The following MYO16 variants were observed in gnomAD, a reference collection of about 807,000 sequenced individuals.
MYO16 encodes the protein myosin XVI.
In MYO16, 94 loss-of-function variants were observed where a neutral mutation model predicts 205.3. That is an observed-to-expected ratio of 0.46 (90% CI 0.39 to 0.54). The LOEUF is 0.54. Ranked by LOEUF, MYO16 falls within the 20% of genes least tolerant of loss-of-function variation. The probability of loss-of-function intolerance (pLI) is 0.00; values close to 1 mark genes in which losing one functional copy is unlikely to be tolerated. For synonymous variants in MYO16, 988 were observed against 954.0 expected (o/e 1.04, Z -0.66); for missense variants, 2,315 against 2,387.5 (o/e 0.97, Z 0.63).
At chr13:109,098,619 C>T (rs1284606457) in intron 27 of MYO16, among the ~76,000 whole-genome samples, 3 of 152,086 alleles carry the variant, frequency 2.0e-5, no homozygotes, top group Non-Finnish European at 2.9e-5. Flanking sequence ...TGCATCTCAT[C>T]GATTTGCTGA....
chr13:108,754,359 G>A (rs1419259139), intron 4 of MYO16, among the ~76,000 whole-genome samples: 1 of 152,192 alleles, frequency 6.6e-6, no homozygotes, highest in African/African-American at 2.4e-5. Flanking sequence ...ATTGCTTAGG[G>A]AGAGGAAATG....
intron 22 of MYO16, among the ~76,000 whole-genome samples, chr13:109,014,749 C>T (rs1885743419): frequency 1.3e-5 from 2 of 152,142 alleles, no homozygotes; most frequent in African/African-American, 4.8e-5. Context: ...GGAGTTCACT[C>T]ATGATTTGGC....
At chr13:108,926,281 A>G (rs182327385) in intron 16 of MYO16, among the ~76,000 whole-genome samples, 3 of 152,106 alleles carry the variant, frequency 2.0e-5, no homozygotes, top group Admixed American at 2.0e-4. Context: ...CGCAGTCTTC[A>G]CTCTTTCTAT....
chr13:108,591,171 G>A (rs1014651738), upstream of MYO16, among the ~76,000 whole-genome samples: 6 of 152,000 alleles, frequency 3.9e-5, no homozygotes, highest in African/African-American at 7.2e-5. Context: ...ACCTGCATTC[G>A]AAAAAGATCA....
At chr13:108,769,329 CG>C (rs1011890621) in intron 4 of MYO16, among the ~76,000 whole-genome samples, 3 of 151,976 alleles carry the variant, frequency 2.0e-5, no homozygotes, top group African/African-American at 7.2e-5. Flanking sequence ...GTGGGAGCCA[CG>C]TGTGTGAGGG....
At chr13:108,761,372 A>G (rs1022051296) in intron 4 of MYO16, among the ~76,000 whole-genome samples, 14 of 152,064 alleles carry the variant, frequency 9.2e-5, no homozygotes, top group Non-Finnish European at 1.9e-4. Flanking sequence ...AAAGAAAAAG[A>G]AAAAAAAGCT....
intron 9 of MYO16, among the ~76,000 whole-genome samples, chr13:108,842,389 A>T (rs1877291166): frequency 6.6e-6 from 1 of 152,172 alleles, no homozygotes; most frequent in Non-Finnish European, 1.5e-5. Context: ...TATCTAAAGT[A>T]TGTAATGAAC....
intron 27 of MYO16, among the ~76,000 whole-genome samples, chr13:109,083,359 G>A (rs968105836): frequency 1.1e-4 from 12 of 110,566 alleles, no homozygotes; most frequent in Non-Finnish European, 1.9e-4. Context: ...CTCCAGCCTG[G>A]GCAAAAAGAG....
chr13:108,776,257 A>C (rs913850816), intron 4 of MYO16, among the ~76,000 whole-genome samples: 8 of 152,224 alleles, frequency 5.3e-5, no homozygotes, highest in African/African-American at 1.9e-4. Flanking sequence ...AGGACTCTGC[A>C]CATAGCATGA....
At position 108,897,586 on chromosome 13, in the gene MYO16, A is replaced by G. The variant is rs535609120; in HGVS notation, c.1660-430A>G. Among the ~76,000 whole-genome samples, 6 of 152,324 alleles carry G rather than the reference A, an allele frequency of 3.9e-5. No homozygotes were observed. In the South Asian group the frequency reaches 1.2e-3, roughly 32 times the overall value. On this transcript the variant is annotated intron_variant, in intron 14 of 34. Transcript: ENST00000457511. ...GGATTCAAAGGAATGTTCTATGCCA[A>G]TGTTTAAATAAATGTATTATTGTAA...
At chr13:109,023,241 AATAT>A (rs544675142) in intron 23 of MYO16, among the ~76,000 whole-genome samples, 1 of 101,404 alleles carries the variant, frequency 9.9e-6, no homozygotes, top group Non-Finnish European at 1.8e-5. Context: ...TACAGATATA[AATAT>A]ATATATTTAT....
rs147033239 is a variant in MYO16, at chr13:108,655,371, T to G, written c.29-10515T>G. Among the ~76,000 whole-genome samples, 463 of 152,210 alleles carry G rather than the reference T, an allele frequency of 3.0e-3. 2 individuals carry two copies. Among genetic ancestry groups the G allele is most frequent in the African/African-American group, 0.01 (431 of 41,490 alleles). On this transcript the variant is annotated intron_variant, in intron 1 of 34. Coordinates refer to ENST00000457511, the MANE Select transcript of MYO16 (RefSeq NM_001198950.3). ...GGCAGCTTCCACATGATGTTGAGCCTGCAGGTACACAGAAGTCAAAAATTG... is the reference window on the plus strand; with the variant it reads ...GGCAGCTTCCACATGATGTTGAGCCGGCAGGTACACAGAAGTCAAAAATTG...
At chr13:108,656,484 TA>T (rs1194853703) in intron 1 of MYO16, among the ~76,000 whole-genome samples, 1 of 152,104 alleles carries the variant, frequency 6.6e-6, no homozygotes, top group Non-Finnish European at 1.5e-5. Flanking sequence ...GGGGGATGGG[TA>T]AAGGGCATTG....
intron 2 of MYO16, among the ~76,000 whole-genome samples, chr13:108,678,245 C>G (rs1882315064): frequency 6.6e-6 from 1 of 152,218 alleles, no homozygotes; most frequent in African/African-American, 2.4e-5. Flanking sequence ...AACACTGCTT[C>G]ATAAAGCAGC....
At chr13:108,920,613 C>A (rs1288733441) in intron 16 of MYO16, among the ~76,000 whole-genome samples, 1 of 152,148 alleles carries the variant, frequency 6.6e-6, no homozygotes, top group Non-Finnish European at 1.5e-5. Flanking sequence ...TGCCTGCCAC[C>A]ACGCCCGGCT....
chr13:109,202,422 T>C (rs1333752642), intron 34 of MYO16, among the ~76,000 whole-genome samples: 1 of 152,208 alleles, frequency 6.6e-6, no homozygotes, highest in African/African-American at 2.4e-5. Context: ...TGGTATCACA[T>C]TCTGGTTTTG....
At chr13:108,787,027 G>C (rs1352783909) in intron 5 of MYO16, among the ~76,000 whole-genome samples, 1 of 152,222 alleles carries the variant, frequency 6.6e-6, no homozygotes, top group Non-Finnish European at 1.5e-5. Flanking sequence ...CTTCGCATGT[G>C]GCCTGCAATT....
chr13:108,857,982 T>C (rs931442058), intron 11 of MYO16, among the ~76,000 whole-genome samples: 3 of 152,192 alleles, frequency 2.0e-5, no homozygotes, highest in Non-Finnish European at 2.9e-5. Flanking sequence ...AAAAGCTCAA[T>C]CGATTAGGAT....
chr13:109,169,659 A>C (rs1844041801), intron 33 of MYO16, among the ~76,000 whole-genome samples: 1 of 152,232 alleles, frequency 6.6e-6, no homozygotes, highest in South Asian at 2.1e-4. Flanking sequence ...AATGGACAAA[A>C]GAAGTAGGAA....
Sources: allele counts gnomAD v4.1 joint callset (sites outside exome capture counted in the v4.1 genomes callset), GRCh38; gene constraint gnomAD v4.1.1; transcripts MANE v1.5; gene names NCBI Gene and HGNC (gene_info 2026-07-23, HGNC 2026-07-21).